Variants in HMGXB4 observed in about 807,000 individuals in gnomAD.
The protein encoded by HMGXB4 is HMG-box containing 4, also known as HMG domain-containing protein 4.
Under a neutral mutation model 63.9 loss-of-function variants are expected in HMGXB4, and 27 were observed. The ratio of observed to expected loss-of-function variants is 0.42; its 90% confidence interval spans 0.31 to 0.58. The LOEUF (loss-of-function observed/expected upper bound fraction) is 0.58, where lower values mean the gene tolerates loss of function less well. Among genes scored for constraint, HMGXB4 ranks in the 20% least tolerant of loss-of-function variants. The pLI, the probability that HMGXB4 is intolerant of heterozygous loss-of-function variation, is 0.13. For missense variants in HMGXB4, 624 were observed against 700.7 expected (o/e 0.89, Z 1.24); for synonymous variants, 264 against 265.3 (o/e 0.99, Z 0.05).
chr22:35,274,952 C>A (rs1252982377), intron 5 of HMGXB4, among the ~76,000 whole-genome samples: 1 of 152,100 alleles, frequency 6.6e-6, no homozygotes, highest in Non-Finnish European at 1.5e-5. Flanking sequence ...GGCCCTGCCA[C>A]TCCGTGGAGC....
chr22:35,288,507 CT>C, intron 9 of HMGXB4, 100 bp downstream of exon 9: 1 of 877,268 alleles, frequency 1.1e-6, no homozygotes, highest in Non-Finnish European at 1.6e-6. Context: ...TGAGCATCTA[CT>C]TTATGCTAAA....
chr22:35,282,552 T>C (rs2145562000), intron 5 of HMGXB4, among the ~76,000 whole-genome samples: 1 of 152,338 alleles, frequency 6.6e-6, no homozygotes, highest in South Asian at 2.1e-4. Flanking sequence ...CAGATGAGTT[T>C]TGGAGGAAAG....
At chr22:35,261,219 C>T (rs948640034) in intron 1 of HMGXB4, among the ~76,000 whole-genome samples, 2 of 152,024 alleles carry the variant, frequency 1.3e-5, no homozygotes, top group African/African-American at 4.8e-5. Flanking sequence ...GGGTGGATCA[C>T]GAGGTCAAGA....
At chr22:35,270,312 C>G (rs1384298173) in intron 5 of HMGXB4, among the ~76,000 whole-genome samples, 1 of 152,042 alleles carries the variant, frequency 6.6e-6, no homozygotes, top group Admixed American at 6.6e-5. Flanking sequence ...ATCTAATGCC[C>G]GATGATCTGT....
At chr22:35,262,476 G>A in intron 2 of HMGXB4, 55 bp downstream of exon 2, 2 of 1,540,122 alleles carry the variant, frequency 1.3e-6, no homozygotes, top group East Asian at 2.2e-5. Context: ...TTCAATCCTT[G>A]CAGCCCATGG....
intron 5 of HMGXB4, among the ~76,000 whole-genome samples, chr22:35,267,467 A>G (rs1923335315): frequency 6.6e-6 from 1 of 152,186 alleles, no homozygotes; most frequent in Non-Finnish European, 1.5e-5. Flanking sequence ...AGAAGGTTTC[A>G]GTGGAAGTGG....
chr22:35,263,045 ATTTCC>A, intron 2 of HMGXB4, 28 bp from the exon 3 acceptor site: 1 of 1,606,542 alleles, frequency 6.2e-7, no homozygotes, highest in Non-Finnish European at 8.5e-7. Context: ...TGACTTTCTC[ATTTCC>A]TTTCCCAAAT....
intron 9 of HMGXB4, among the ~76,000 whole-genome samples, chr22:35,289,687 T>C (rs542446456): frequency 1.3e-5 from 2 of 152,344 alleles, no homozygotes; most frequent in South Asian, 4.1e-4. Context: ...ACTTAAATTA[T>C]ACAGTGCTAT....
At chr22:35,256,296 G>C (rs552092991), upstream of HMGXB4, among the ~76,000 whole-genome samples, 1 of 152,236 alleles carries the variant, frequency 6.6e-6, no homozygotes, top group African/African-American at 2.4e-5. Flanking sequence ...TATGGGGCCT[G>C]GGCCCTAGGA....
At position 35,286,027 on chromosome 22, in the gene HMGXB4, A is replaced by T; in HGVS notation, c.1328A>T (p.Glu443Val). Reference protein sequence around the residue: ...DFGELSKKLAEVWKQLPEKDK... With the variant: ...DFGELSKKLAVVWKQLPEKDK... ...GGGGAACTTAGTAAAAAACTGGCTG[A>T]GGTGTGGAAGCAATTACCAGAAAAA... Residue 443 changes from glutamate to valine, a missense_variant, in exon 7 of 11, where the codon GAG becomes GTG. Around this residue, in one of 2 missense-constraint regions of HMGXB4, gnomAD observed 152 missense variants for 230.1 expected, o/e 0.66. Coordinates refer to ENST00000216106, the MANE Select transcript of HMGXB4 (RefSeq NM_001003681.3). 1 of 1,610,672 alleles carries T rather than the reference A, an allele frequency of 6.2e-7. No homozygotes were observed. The highest frequency in any genetic ancestry group is 1.1e-5 in the South Asian group (1 of 90,414).
At chr22:35,243,652 T>C in the HMGXB4 span, among the ~76,000 whole-genome samples, 2 of 152,112 alleles carry the variant, frequency 1.3e-5, no homozygotes, top group Non-Finnish European at 2.9e-5. Flanking sequence ...TAAGCAATTC[T>C]TGTGGCTGGG....
chr22:35,270,052 A>G (rs560672294), intron 5 of HMGXB4, among the ~76,000 whole-genome samples: 84 of 152,338 alleles, frequency 5.5e-4, no homozygotes, highest in African/African-American at 2.0e-3. Flanking sequence ...GAGGCTCTGA[A>G]GGAAAAATTG....
In HMGXB4 at chr22:35,262,422, G is replaced by C; in HGVS notation, c.31+1G>C. On this transcript the variant is annotated splice_donor_variant, in intron 2 of 10. Coordinates refer to ENST00000216106, the MANE Select transcript of HMGXB4 (RefSeq NM_001003681.3). LOFTEE classifies it high-confidence loss of function. The stretch of plus-strand genomic sequence containing the variant: ...TATGATGACTCCGTGAAGAAAGAAG[G>C]TATGACCCCATAATCTGAGAAGCAT... 1 of 1,613,800 alleles carries C rather than the reference G, an allele frequency of 6.2e-7. No homozygotes were observed. Among genetic ancestry groups the C allele is most frequent in the Non-Finnish European group, 8.5e-7 (1 of 1,179,704 alleles).
chr22:35,268,324 C>CA (rs1923392621), intron 5 of HMGXB4, among the ~76,000 whole-genome samples: 1 of 152,190 alleles, frequency 6.6e-6, no homozygotes, highest in South Asian at 2.1e-4. Flanking sequence ...TACTCCCCTC[C>CA]AACTATTTCT....
Position 35,264,658 on chromosome 22 carries a change from T to C in HMGXB4, c.270T>C (p.Ser90=). The change falls in exon 5 of 11, where the codon TCT becomes TCC. Residue 90 remains serine (S), a synonymous_variant. Transcript: ENST00000216106. ...CTTGATTATTTCTAGATATTTCGTC[T>C]TTGGAATCGTCACAGAAGAAAAAGA... The part of the protein sequence containing the change: ...SDDYYYGDIS[S]LESSQKKKKK... The C allele has an allele frequency of 3.8e-6, 6 of 1,566,676 alleles. No individual in the cohort carries two copies. The highest frequency in any genetic ancestry group is 5.2e-6 in the Non-Finnish European group (6 of 1,159,538).
intron 2 of HMGXB4, 85 bp downstream of exon 2, chr22:35,262,506 G>C (rs1490206439): frequency 1.5e-6 from 2 of 1,349,142 alleles, no homozygotes; most frequent in African/African-American, 2.9e-5. Flanking sequence ...CCAGGACTGG[G>C]CACCACAGCC....
At chr22:35,267,230 C>T (rs940431450) in intron 5 of HMGXB4, among the ~76,000 whole-genome samples, 2 of 150,842 alleles carry the variant, frequency 1.3e-5, no homozygotes, top group African/African-American at 2.4e-5. Flanking sequence ...AAAGCTGTAC[C>T]TCTGAGCCAG....
the HMGXB4 span, among the ~76,000 whole-genome samples, chr22:35,248,205 T>C: frequency 6.6e-6 from 1 of 152,280 alleles, no homozygotes; most frequent in East Asian, 1.9e-4. Context: ...TGTTAGCCAG[T>C]TCTTTCATTG....
In HMGXB4 at chr22:35,288,304, C is replaced by T. The variant is rs757506655; in HGVS notation, c.1535C>T (p.Ser512Leu). 8 of 1,612,650 alleles carry T rather than the reference C, an allele frequency of 5.0e-6. No homozygotes were observed. The highest frequency in any genetic ancestry group is 5.9e-6 in the Non-Finnish European group (7 of 1,179,084). Residue 512 changes from serine to leucine, a missense_variant, in exon 9 of 11, where the codon TCA becomes TTA. This residue lies in a region of HMGXB4 where 152 missense variants were observed against 230.1 expected (regional missense o/e 0.66). Coordinates refer to ENST00000216106, the MANE Select transcript of HMGXB4 (RefSeq NM_001003681.3). ...SPPTTMLLPA[S>L]PAKAPETEPI... Reference sequence around the variant, plus strand: ...CCCACCACCATGCTGTTACCAGCCTCACCAGCCAAAGCCCCTGAGACAGAG... The same window carrying T: ...CCCACCACCATGCTGTTACCAGCCTTACCAGCCAAAGCCCCTGAGACAGAG...
Sources: allele counts gnomAD v4.1 joint callset (sites outside exome capture counted in the v4.1 genomes callset), GRCh38; gene constraint gnomAD v4.1.1; regional missense constraint gnomAD v4.1.1; transcripts MANE v1.5; gene names NCBI Gene and HGNC (gene_info 2026-07-23, HGNC 2026-07-21).